Variants in KIAA1614 observed in about 807,000 individuals in gnomAD.
KIAA1614 encodes the protein uncharacterized protein KIAA1614.
KIAA1614 carries 76 observed loss-of-function variants against 88.7 expected under a neutral mutation model. That is an observed-to-expected ratio of 0.86 (90% confidence interval 0.71 to 1.04). The LOEUF (loss-of-function observed/expected upper bound fraction) is 1.04, where lower values mean the gene tolerates loss of function less well. Among genes scored for constraint, KIAA1614 ranks in the 50% least tolerant of loss-of-function variants. The pLI, the probability that KIAA1614 is intolerant of heterozygous loss-of-function variation, is 0.00. For missense variants in KIAA1614, 1,553 were observed against 1,582.5 expected (o/e 0.98, Z 0.32); for synonymous variants, 714 against 675.5 (o/e 1.06, Z -0.88).
chr1:180,930,881 G>C (rs528506757), intron 4 of KIAA1614, among the ~76,000 whole-genome samples: 105 of 152,348 alleles, frequency 6.9e-4, no homozygotes, highest in Non-Finnish European at 1.3e-3. Flanking sequence ...AATCACCCTG[G>C]AGGGCCATGC....
In KIAA1614 at chr1:180,949,978, C is replaced by CAGCACCTGCGGCAGGTGCCTGG. The variant is rs1654694591; in HGVS notation, c.*4390_*4391insAGCACCTGCGGCAGGTGCCTGG. ...CCTAATTTTTAAAAACTATTTTCCT[C>CAGCACCTGCGGCAGGTGCCTGG]CCAATTCTACAAGAAAAGCTCATCT... On this transcript the variant is annotated 3_prime_UTR_variant, in exon 9 of 9. Transcript: ENST00000367588. 1 of 152,340 alleles carries CAGCACCTGCGGCAGGTGCCTGG rather than the reference C, an allele frequency of 6.6e-6. No individual in the cohort carries two copies. Among genetic ancestry groups the CAGCACCTGCGGCAGGTGCCTGG allele is most frequent in the Non-Finnish European group, 1.5e-5 (1 of 68,124 alleles). 9.4% of individuals were successfully genotyped at this position (152,340 alleles called of 1,614,324 possible). A position where few individuals can be genotyped will look rare whatever the true frequency, so the allele number is the denominator to read the frequency against.
chr1:180,917,065 C>T lies in KIAA1614; in HGVS notation c.962C>T (p.Pro321Leu), dbSNP rs1200590966. 6.2e-7 allele frequency: 1 copy of T among 1,613,538 alleles called. No homozygotes were observed. The highest frequency in any genetic ancestry group is 1.7e-5 in the Admixed American group (1 of 60,032). The change falls in exon 2 of 9, where the codon CCT becomes CTT. Residue 321 changes from proline (P) to leucine (L), a missense_variant. Coordinates refer to ENST00000367588, the MANE Select transcript of KIAA1614 (RefSeq NM_020950.2). ...CAGAGCCCCCGCAAGGTGGGAACCC[C>T]TGCCTGGACTCCATCCTGGGACACA... is the stretch of plus-strand genomic sequence containing the variant. ...SGQSPRKVGT[P>L]AWTPSWDTAA... is the part of the protein sequence containing the mutation.
Position 180,921,585 on chromosome 1 carries a change from C to T in KIAA1614, c.1061+3671C>T, listed in dbSNP as rs1653952653. 3.9e-5 allele frequency among the ~76,000 whole-genome samples: 6 copies of T among 152,338 alleles called. No homozygotes were observed. In the South Asian group the frequency reaches 1.2e-3, roughly 32 times the overall value. On this transcript the variant is annotated intron_variant, in intron 3 of 8. Coordinates refer to ENST00000367588, the MANE Select transcript of KIAA1614 (RefSeq NM_020950.2). Reference sequence around the variant, plus strand: ...CAGCACTGCCACAAGCCACCCTGTCCCTGCCCCCACAGGCCACCCCTTGGG... The same window carrying T: ...CAGCACTGCCACAAGCCACCCTGTCTCTGCCCCCACAGGCCACCCCTTGGG...
chr1:180,942,265 G>A (rs1337176883), intron 7 of KIAA1614, among the ~76,000 whole-genome samples: 1 of 152,254 alleles, frequency 6.6e-6, no homozygotes, highest in African/African-American at 2.4e-5. Flanking sequence ...TGGTGAGTGG[G>A]TGGGACGCGC....
chr1:180,936,363 G>C lies in KIAA1614; in HGVS notation c.2454G>C (p.Ser818=). The C allele has an allele frequency of 6.2e-7, 1 of 1,614,170 alleles. No individual in the cohort carries two copies. Among genetic ancestry groups the C allele is most frequent in the Non-Finnish European group, 8.5e-7 (1 of 1,180,016 alleles). ...CTCCCCCTTCGAGGAAAACCACCTC[G>C]CCAGTGTCTCACAGGAAGGCAGCCC... ...PTPPPSRKTT[S]PVSHRKAALA... is the part of the protein sequence containing the mutation. The change falls in exon 5 of 9, where the codon TCG becomes TCC. Residue 818 remains serine, a synonymous_variant. Transcript: ENST00000367588.
At chr1:180,921,316 C>A (rs1184685594) in intron 3 of KIAA1614, among the ~76,000 whole-genome samples, 1 of 152,164 alleles carries the variant, frequency 6.6e-6, no homozygotes, top group Non-Finnish European at 1.5e-5. Context: ...GCCATTTTCA[C>A]TTCTTTTGTG....
chr1:180,919,361 A>T (rs1008058433), intron 3 of KIAA1614, among the ~76,000 whole-genome samples: 1 of 151,716 alleles, frequency 6.6e-6, no homozygotes, highest in Admixed American at 6.6e-5. Flanking sequence ...CTGTTTCCAG[A>T]CCCTCCTCTG....
Position 180,945,372 on chromosome 1 carries a change from C to G in KIAA1614, c.3357C>G (p.Thr1119=). The change falls in exon 9 of 9, where the codon ACC becomes ACG. Residue 1119 remains threonine (T), a synonymous_variant. Transcript: ENST00000367588. ...TGGGTGCTCCCAGCCTGGCTCGCAC[C>G]GTGGGCCGCCTGGTGGAGGTGTTCC... The part of the protein sequence containing the change: ...EDVGAPSLAR[T]VGRLVEVFPD... The G allele has an allele frequency of 6.3e-7, 1 of 1,599,140 alleles. No individual in the cohort carries two copies. Among genetic ancestry groups the G allele is most frequent in the South Asian group, 1.1e-5 (1 of 89,038 alleles).
chr1:180,926,355 A>G (rs1378935100), intron 3 of KIAA1614, among the ~76,000 whole-genome samples: 1 of 150,966 alleles, frequency 6.6e-6, no homozygotes, highest in African/African-American at 2.4e-5. Flanking sequence ...GGTGACTGCC[A>G]CTCCTCCATG....
intron 6 of KIAA1614, among the ~76,000 whole-genome samples, chr1:180,939,200 G>A (rs899262463): frequency 2.0e-5 from 3 of 152,268 alleles, no homozygotes; most frequent in South Asian, 2.1e-4. Context: ...TGGTGAGCCC[G>A]GAGTTCTGGC....
chr1:180,935,239 G>A lies in KIAA1614; in HGVS notation c.1330G>A (p.Gly444Ser). ...CAGCGGTGGGCACAGGCCGAGGCGG[G>A]GCCCCTCGCCGTCGCACGTGCGCTT... Reference protein sequence around the residue: ...ESSGGHRPRRGPSPSHVRFED... With the variant: ...ESSGGHRPRRSPSPSHVRFED... Residue 444 changes from glycine (G) to serine (S), a missense_variant, in exon 5 of 9, where the codon GGC becomes AGC. Gly to Ser is a moderately conservative substitution (Grantham distance 56). Transcript: ENST00000367588. The surrounding 1 kb of genome is among the most constrained non-coding windows in gnomAD (Gnocchi z 6.1). 1 of 1,532,170 alleles carries A rather than the reference G, an allele frequency of 6.5e-7. No homozygotes were observed. 94.9% of individuals were successfully genotyped at this position (1,532,170 alleles called of 1,614,324 possible).
Position 180,936,588 on chromosome 1 carries a change from CG to C in KIAA1614, c.2684del (p.Gly895GlufsTer106). 3 of 1,611,888 alleles carry C rather than the reference CG, an allele frequency of 1.9e-6. No homozygotes were observed. Among genetic ancestry groups the C allele is most frequent in the Non-Finnish European group, 2.5e-6 (3 of 1,179,470 alleles). ...CACCTCGGGGGCTGCAGGAGCCCTA[CG>C]GGGGAGCCGTCCACGAGGGTAGGGT... ...SAPRGLQEPY[G>X]GAVHEGRVER... On this transcript the variant is annotated frameshift_variant, in exon 5 of 9. Coordinates refer to ENST00000367588, the MANE Select transcript of KIAA1614 (RefSeq NM_020950.2). LOFTEE classifies it high-confidence loss of function.
Position 180,941,070 on chromosome 1 carries a change from C to T in KIAA1614, c.2944C>T (p.Pro982Ser). The T allele has an allele frequency of 6.3e-7, 1 of 1,578,440 alleles. No homozygotes were observed. The highest frequency in any genetic ancestry group is 8.6e-7 in the Non-Finnish European group (1 of 1,160,786). Residue 982 changes from proline to serine, a missense_variant, in exon 7 of 9, where the codon CCC becomes TCC. Pro to Ser is a moderately conservative substitution (Grantham distance 74). Coordinates refer to ENST00000367588, the MANE Select transcript of KIAA1614 (RefSeq NM_020950.2). ...AGCATCAGCAGGAGCTGGCACAGGA[C>T]CCGGCTCCCCCTCGGCTGCCCCTTT... is the stretch of plus-strand genomic sequence containing the variant. ...SRASAGAGTG[P>S]GSPSAAPLDQ...
rs1035911145 is a variant in KIAA1614 at position 180,948,548 on chromosome 1, T to C, written c.*2960T>C. ...GTGACGTCAGTGTCTGGCCTAGCTC[T>C]GGCAGCATTCTTTCAGGGTTTATCA... On this transcript the variant is annotated 3_prime_UTR_variant, in exon 9 of 9. Coordinates refer to ENST00000367588, the MANE Select transcript of KIAA1614 (RefSeq NM_020950.2). The C allele has an allele frequency of 6.6e-6, 1 of 152,262 alleles. No individual in the cohort carries two copies. The highest frequency in any genetic ancestry group is 2.4e-5 in the African/African-American group (1 of 41,472). The allele number at this position is 152,262 out of a possible 1,614,324, so 9.4% of individuals were successfully genotyped here. A position where few individuals can be genotyped will look rare whatever the true frequency, so the allele number is the denominator to read the frequency against.
intron 3 of KIAA1614, among the ~76,000 whole-genome samples, chr1:180,920,926 C>T (rs1653940994): frequency 6.6e-6 from 1 of 152,238 alleles, no homozygotes; most frequent in Admixed American, 6.5e-5. Flanking sequence ...AAAGCCCATG[C>T]CAGCAGCTGC....
rs757856965 is a variant in KIAA1614, at chr1:180,938,594, C to T, written c.2801C>T (p.Thr934Ile). 3.7e-6 allele frequency: 6 copies of T among 1,614,120 alleles called. No individual in the cohort carries two copies. Among genetic ancestry groups the T allele is most frequent in the South Asian group, 1.1e-5 (1 of 91,084 alleles). Residue 934 changes from threonine (T) to isoleucine (I), a missense_variant, in exon 6 of 9, where the codon ACC becomes ATC. By Grantham distance (89) the Thr-to-Ile change is moderately conservative. Transcript: ENST00000367588. ...TTTCTTGGCTCAGCAGATGTTGCCA[C>T]CATCAACTCCACGGGCATCACCCTC... Reference protein sequence around the residue: ...QGFLGSADVATINSTGITLSL... With the variant: ...QGFLGSADVAIINSTGITLSL...
At chr1:180,941,733 C>T (rs905326497) in intron 7 of KIAA1614, among the ~76,000 whole-genome samples, 3 of 152,174 alleles carry the variant, frequency 2.0e-5, no homozygotes, top group South Asian at 2.1e-4. Context: ...TATGCAAATC[C>T]GACCACGCCA....
At chr1:180,922,695 C>A (rs768335692) in intron 3 of KIAA1614, among the ~76,000 whole-genome samples, 6 of 152,230 alleles carry the variant, frequency 3.9e-5, no homozygotes, top group Non-Finnish European at 8.8e-5. Flanking sequence ...TTCACACACT[C>A]AACACAGCAC....
Position 180,916,249 on chromosome 1 carries a change from C to G in KIAA1614, c.146C>G (p.Pro49Arg). Residue 49 changes from proline to arginine, a missense_variant, in exon 2 of 9, where the codon CCC (proline) becomes CGC (arginine). Transcript: ENST00000367588. ...GAGCCACAGCTGGATAACGGACACC[C>G]CCCAAGACCCTGGCCTTGCCCTCAG... ...GPEPQLDNGH[P>R]PRPWPCPQEN... The G allele has an allele frequency of 6.2e-7, 1 of 1,613,604 alleles. No individual in the cohort carries two copies. The highest frequency in any genetic ancestry group is 1.3e-5 in the African/African-American group (1 of 75,056).
Sources: allele counts gnomAD v4.1 joint callset (sites outside exome capture counted in the v4.1 genomes callset), GRCh38; gene constraint gnomAD v4.1.1; non-coding constraint Gnocchi (gnomAD v3.1); transcripts MANE v1.5; gene names NCBI Gene and HGNC (gene_info 2026-07-23, HGNC 2026-07-21).